IL1RAPL1: variants seen among roughly 807,000 people sequenced by gnomAD.
The protein encoded by IL1RAPL1 is interleukin-1 receptor accessory protein-like 1.
In IL1RAPL1, 3 loss-of-function variants were observed where a neutral mutation model predicts 48.4. The observed-to-expected ratio is 0.06, with a 90% CI of 0.03 to 0.16. The LOEUF (loss-of-function observed/expected upper bound fraction) is 0.16, where lower values mean the gene tolerates loss of function less well. Among genes scored for constraint, IL1RAPL1 ranks in the 10% least tolerant of loss-of-function variants. The pLI is 1.00. For synonymous variants in IL1RAPL1, 185 were observed against 187.7 expected (o/e 0.99, Z 0.12); for missense variants, 349 against 530.6 (o/e 0.66, Z 3.36).
At chrX:29,667,687 C>A (rs1926037637) in intron 5 of IL1RAPL1, among the ~76,000 whole-genome samples, 1 of 111,802 alleles carries the variant, frequency 8.9e-6, no homozygotes, top group Non-Finnish European at 1.9e-5. Context: ...TTTCTAATGG[C>A]AAACTCTTAG....
chrX:29,605,071 AACACACACACACACACACACAC>A (rs757087732), intron 5 of IL1RAPL1, among the ~76,000 whole-genome samples: 43 of 65,060 alleles, frequency 6.6e-4, no homozygotes, highest in African/African-American at 1.5e-3. Context: ...CTAAGTCTTA[AACACACACACACACACACACAC>A]ACACACACAC....
chrX:29,440,168 G>A (rs1934532076), intron 5 of IL1RAPL1, among the ~76,000 whole-genome samples: 1 of 109,810 alleles, frequency 9.1e-6, no homozygotes, highest in African/African-American at 3.3e-5. Flanking sequence ...GGTTTTGCAG[G>A]TCACAACTTG....
intron 1 of IL1RAPL1, among the ~76,000 whole-genome samples, chrX:28,710,949 T>C (rs1056793286): frequency 6.3e-5 from 7 of 111,687 alleles, no homozygotes; most frequent in Non-Finnish European, 1.3e-4. Flanking sequence ...TTGTTATGAT[T>C]TGGCTTCCAC....
At chrX:29,487,732 T>C (rs1375960390) in intron 5 of IL1RAPL1, among the ~76,000 whole-genome samples, 1 of 111,905 alleles carries the variant, frequency 8.9e-6, no homozygotes, top group African/African-American at 3.3e-5. Context: ...GAAAATCCAA[T>C]CTATTCAGCC....
chrX:28,908,821 A>G (rs1923286585), intron 2 of IL1RAPL1, among the ~76,000 whole-genome samples: 1 of 111,464 alleles, frequency 9.0e-6, no homozygotes, highest in Non-Finnish European at 1.9e-5. Context: ...GGATTTATCT[A>G]TTTTTCTTTT....
rs1932820042 is a variant in IL1RAPL1, at chrX:29,323,711, TTTTATATATA to T, written c.362+40496_362+40505del. Among the ~76,000 whole-genome samples the T allele has an allele frequency of 2.3e-4, 3 of 12,766 alleles. 1 individual carries two copies. The highest frequency in any genetic ancestry group is 8.4e-4 in the African/African-American group (3 of 3,588). The allele number at this position is 12,766 out of a possible 115,157, so 11.1% of individuals were successfully genotyped here. A position where few individuals can be genotyped will look rare whatever the true frequency, so the allele number is the denominator to read the frequency against. ...ACTACCTACCAACTCATACTGAATT[TTTTATATATA>T]TATATATATATATATATATATATAT... is the stretch of plus-strand genomic sequence containing the variant. On this transcript the variant is annotated intron_variant, in intron 3 of 10. Coordinates refer to ENST00000378993, the MANE Select transcript of IL1RAPL1 (RefSeq NM_014271.4).
chrX:29,399,547 A>G lies in IL1RAPL1; in HGVS notation c.703+239A>G, dbSNP rs775987365. ...AGAAATGTTAACTTTTGGGCCGGGCACCGTGGCTCATGCCTGTAATCCCAG... is the reference window on the plus strand; with the variant it reads ...AGAAATGTTAACTTTTGGGCCGGGCGCCGTGGCTCATGCCTGTAATCCCAG... On this transcript the variant is annotated intron_variant, in intron 5 of 10. Transcript: ENST00000378993. Among the ~76,000 whole-genome samples the G allele has an allele frequency of 4.5e-5, 5 of 111,780 alleles. No homozygotes were observed. The South Asian group carries it at 1.9e-3, about 42-fold the overall frequency.
intron 6 of IL1RAPL1, among the ~76,000 whole-genome samples, chrX:29,755,415 A>G (rs1026861581): frequency 1.8e-5 from 2 of 111,280 alleles, no homozygotes; most frequent in Non-Finnish European, 3.8e-5. Context: ...CAAATTATTG[A>G]AGACTCATGT....
chrX:29,214,891 A>C (rs1385388845), intron 2 of IL1RAPL1, among the ~76,000 whole-genome samples: 5 of 112,328 alleles, frequency 4.5e-5, no homozygotes, highest in Non-Finnish European at 7.5e-5. Context: ...TTCCATTAGC[A>C]GAATGGAGTA....
At chrX:29,303,799 A>G (rs1291617877) in intron 3 of IL1RAPL1, among the ~76,000 whole-genome samples, 2 of 112,001 alleles carry the variant, frequency 1.8e-5, no homozygotes, top group Non-Finnish European at 3.8e-5. Context: ...CTATATTTGA[A>G]CAGATGCCAG....
intron 5 of IL1RAPL1, among the ~76,000 whole-genome samples, chrX:29,492,484 T>G (rs1279010184): frequency 8.9e-6 from 1 of 111,854 alleles, no homozygotes; most frequent in Non-Finnish European, 1.9e-5. Flanking sequence ...TTTCTTTATC[T>G]TTGTCAGCTT....
chrX:29,906,596 A>G (rs1232789472), intron 6 of IL1RAPL1, among the ~76,000 whole-genome samples: 2 of 95,095 alleles, frequency 2.1e-5, no homozygotes, highest in East Asian at 3.6e-4. Flanking sequence ...CTACTTCTCT[A>G]CCTACAACTG....
rs1931295292 is a variant in IL1RAPL1 at position 29,236,471 on chromosome X, A to G, written c.83-46467A>G. 2.8e-5 allele frequency among the ~76,000 whole-genome samples: 3 copies of G among 107,779 alleles called. No individual in the cohort carries two copies. The Admixed American group carries it at 3.0e-4, about 11-fold the overall frequency. The allele number at this position is 107,779 out of a possible 115,157, so 93.6% of individuals were successfully genotyped here. A position where few individuals can be genotyped will look rare whatever the true frequency, so the allele number is the denominator to read the frequency against. ...GATAAACTGTAGGTGTAAGCAGCAA[A>G]TATCAAGCCGTCTTAGGCTGTATTC... On this transcript the variant is annotated intron_variant, in intron 2 of 10. Coordinates refer to ENST00000378993, the MANE Select transcript of IL1RAPL1 (RefSeq NM_014271.4).
intron 4 of IL1RAPL1, among the ~76,000 whole-genome samples, chrX:29,397,517 A>G (rs1310111744): frequency 8.9e-6 from 1 of 112,005 alleles, no homozygotes; most frequent in Non-Finnish European, 1.9e-5. Context: ...TTGATTTTCA[A>G]TCCTAGACCA....
intron 1 of IL1RAPL1, among the ~76,000 whole-genome samples, chrX:28,752,639 G>A (rs1283755096): frequency 8.9e-6 from 1 of 112,443 alleles, no homozygotes; most frequent in African/African-American, 3.2e-5. Flanking sequence ...CCCAGGGGAA[G>A]CCCTAATAAA....
rs907198228 is a variant in IL1RAPL1, at chrX:28,949,028, GTTA to G, written c.82+159618_82+159620del. Among the ~76,000 whole-genome samples, 114 of 110,164 alleles carry G rather than the reference GTTA, an allele frequency of 1.0e-3. 1 individual carries two copies. Among genetic ancestry groups the G allele is most frequent in the African/African-American group, 3.5e-3 (107 of 30,437 alleles). On this transcript the variant is annotated intron_variant, in intron 2 of 10. Transcript: ENST00000378993. ...GATGGAGGATCACTACTATATTATT[GTTA>G]TTATTATTATTATTTGAATCTAATT...
intron 2 of IL1RAPL1, among the ~76,000 whole-genome samples, chrX:28,869,674 A>C (rs1221940510): frequency 8.9e-6 from 1 of 112,261 alleles, no homozygotes; most frequent in East Asian, 2.8e-4. Context: ...TTTAGTGTAG[A>C]TTTTATTTTA....
chrX:28,855,327 C>T lies in IL1RAPL1; in HGVS notation c.82+65902C>T, dbSNP rs766671297. On this transcript the variant is annotated intron_variant, in intron 2 of 10. Transcript: ENST00000378993. ...AGCCACTGTGCCCAGCCCAGTGTAT[C>T]ATTTTTAATTACTTCCGTCCTGTCT... 2.7e-5 allele frequency among the ~76,000 whole-genome samples: 3 copies of T among 110,567 alleles called. No homozygotes were observed. The South Asian group carries it at 1.2e-3, about 42-fold the overall frequency.
intron 6 of IL1RAPL1, among the ~76,000 whole-genome samples, chrX:29,892,332 T>A (rs1325258747): frequency 8.9e-6 from 1 of 112,102 alleles, no homozygotes; most frequent in Non-Finnish European, 1.9e-5. Flanking sequence ...AGAAAAAATA[T>A]CAGGTATTTC....
Sources: gnomAD v4.1 joint callset for allele counts (sites outside exome capture counted in the v4.1 genomes callset) on GRCh38, gnomAD v4.1.1 for gene constraint, MANE v1.5 for transcripts, NCBI Gene and HGNC (gene_info 2026-07-23, HGNC 2026-07-21) for gene names.